HOPX: variants seen among roughly 807,000 people sequenced by gnomAD.
The protein encoded by HOPX is homeodomain-only protein.
HOPX carries 5 observed loss-of-function variants against 11.8 expected under a neutral mutation model. That is an observed-to-expected ratio of 0.43 (90% CI 0.22 to 0.89). The LOEUF (loss-of-function observed/expected upper bound fraction) is 0.89. Among genes scored for constraint, HOPX ranks in the 40% least tolerant of loss-of-function variants. The pLI is 0.28. For missense variants in HOPX, 119 were observed against 120.0 expected (o/e 0.99, Z 0.04); for synonymous variants, 49 against 49.7 (o/e 0.99, Z 0.06).
At chr4:56,650,681 A>G (rs1264509302) in intron 3 of HOPX, 1 of 1,551,544 alleles carries the variant, frequency 6.4e-7, no homozygotes, top group African/African-American at 1.4e-5. Context: ...GATCTTACAT[A>G]CCTTTACACT....
chr4:56,670,989 AATC>A, intron 1 of HOPX, among the ~76,000 whole-genome samples: 1 of 152,100 alleles, frequency 6.6e-6, no homozygotes, highest in Admixed American at 6.5e-5. Flanking sequence ...AAAAAAAAAA[AATC>A]AAATACAGAT....
At chr4:56,656,215 G>T in intron 2 of HOPX, 3 of 1,131,970 alleles carry the variant, frequency 2.7e-6, no homozygotes, top group Non-Finnish European at 3.3e-6. Flanking sequence ...TCCCTGGACT[G>T]AGCGCTGTTG....
chr4:56,656,568 AC>A (rs1717763000), intron 2 of HOPX: 4 of 706,902 alleles, frequency 5.7e-6, no homozygotes, highest in South Asian at 1.2e-4. Flanking sequence ...AGGGCTGCAC[AC>A]CCCACCCTTC....
At position 56,655,920 on chromosome 4, in the gene HOPX, G is replaced by C; in HGVS notation, c.135C>G (p.His45Gln). ...LEYNFNKVDK[H>Q]PDSTTLCLIA... Reference sequence around the variant, plus strand: ...TGAGGCACAGCGTGGTGGAATCCGGGTGCTTGTCGACCTTGTTGAAGTTGT... The same window carrying C: ...TGAGGCACAGCGTGGTGGAATCCGGCTGCTTGTCGACCTTGTTGAAGTTGT... The change falls in exon 3 of 4, where the codon CAC (histidine) becomes CAG (glutamine). Residue 45 changes from histidine (H) to glutamine (Q), a missense_variant. Coordinates refer to ENST00000420433, the MANE Select transcript of HOPX (RefSeq NM_032495.6). The C allele has an allele frequency of 6.2e-7, 1 of 1,612,130 alleles. No individual in the cohort carries two copies. Among genetic ancestry groups the C allele is most frequent in the Non-Finnish European group, 8.5e-7 (1 of 1,179,176 alleles).
At chr4:56,653,952 T>C (rs1717442034) in intron 3 of HOPX, among the ~76,000 whole-genome samples, 1 of 152,180 alleles carries the variant, frequency 6.6e-6, no homozygotes, top group South Asian at 2.1e-4. Flanking sequence ...GAGGAAAGGT[T>C]GAATATAGCC....
At chr4:56,651,894 G>T (rs1717229141) in intron 3 of HOPX, among the ~76,000 whole-genome samples, 1 of 151,812 alleles carries the variant, frequency 6.6e-6, no homozygotes, top group African/African-American at 2.4e-5. Context: ...GTGTGTGTGT[G>T]TGTGTGTGTG....
intron 1 of HOPX, among the ~76,000 whole-genome samples, chr4:56,668,722 G>A (rs1246939517): frequency 6.6e-6 from 1 of 152,150 alleles, no homozygotes; most frequent in African/African-American, 2.4e-5. Context: ...GAATGTTTGT[G>A]TATCTGTAAT....
chr4:56,681,420 A>G, upstream of HOPX: 2 of 986,182 alleles, frequency 2.0e-6, no homozygotes, highest in Non-Finnish European at 2.4e-6. Flanking sequence ...CAGCGTGGGC[A>G]GGAGGTAAAC....
chr4:56,667,432 GT>G (rs375052620), intron 1 of HOPX, among the ~76,000 whole-genome samples: 2 of 150,728 alleles, frequency 1.3e-5, no homozygotes, highest in Admixed American at 6.6e-5. Context: ...AGGACAAACT[GT>G]TTTTTTTTCT....
intron 1 of HOPX, among the ~76,000 whole-genome samples, chr4:56,670,734 C>T (rs930079399): frequency 6.6e-6 from 1 of 152,158 alleles, no homozygotes; most frequent in Non-Finnish European, 1.5e-5. Context: ...TAGTGGCTCA[C>T]GCCTGTAATC....
intron 1 of HOPX, chr4:56,663,731 A>C (rs6839411): frequency 0.83 from 126,463 of 152,090 alleles, 53,112 homozygotes; most frequent in African/African-American, 0.96. Flanking sequence ...ATGATCCGCC[A>C]GCCTCGGCCT....
intron 1 of HOPX, chr4:56,664,676 A>G (rs942754995): frequency 6.6e-6 from 1 of 152,054 alleles, no homozygotes; most frequent in Admixed American, 6.6e-5. Context: ...GCAGGGAGGG[A>G]TGTGATATCT....
Position 56,648,733 on chromosome 4 carries a change from G to C in HOPX, c.263C>G (p.Ser88Cys). ...RSEGLPSECR[S>C]VTD The stretch of plus-strand genomic sequence containing the variant: ...CCTGCCATCTCCTTAGTCTGTGACG[G>C]ATCTGCACTCTGAGGGCAGGCCTTC... Residue 88 changes from serine to cysteine, a missense_variant, in exon 4 of 4, where the codon TCC becomes TGC. Transcript: ENST00000420433. 6.2e-7 allele frequency: 1 copy of C among 1,609,622 alleles called. No homozygotes were observed. Among genetic ancestry groups the C allele is most frequent in the Middle Eastern group, 1.7e-4 (1 of 6,034 alleles).
At chr4:56,657,724 C>A (rs1329832851) in intron 2 of HOPX, 51 bp downstream of exon 2, 3 of 784,640 alleles carry the variant, frequency 3.8e-6, no homozygotes, top group Admixed American at 2.0e-5. Flanking sequence ...GCACCCATTG[C>A]CCGTACCTTT....
Position 56,651,367 on chromosome 4 carries a change from C to G in HOPX, c.199-2570G>C, listed in dbSNP as rs77783289. On this transcript the variant is annotated intron_variant, in intron 3 of 3. Coordinates refer to ENST00000420433, the MANE Select transcript of HOPX (RefSeq NM_032495.6). ...TATATATATAATAATTTAGCAAAACCAGTTGCAATCCAACAGAAATCATTA... is the reference window on the plus strand; with the variant it reads ...TATATATATAATAATTTAGCAAAACGAGTTGCAATCCAACAGAAATCATTA... Among the ~76,000 whole-genome samples, 928 of 152,128 alleles carry G rather than the reference C, an allele frequency of 6.1e-3. 41 individuals carry two copies. The East Asian group carries it at 0.11, about 18-fold the overall frequency.
chr4:56,669,420 A>C lies in HOPX; in HGVS notation c.-83-11521T>G, dbSNP rs1012081864. Among the ~76,000 whole-genome samples the C allele has an allele frequency of 1.2e-3, 178 of 152,268 alleles. 2 individuals carry two copies. Among genetic ancestry groups the C allele is most frequent in the Non-Finnish European group, 1.0e-4 (7 of 68,022 alleles). On this transcript the variant is annotated intron_variant, in intron 1 of 3. Coordinates refer to ENST00000420433, the MANE Select transcript of HOPX (RefSeq NM_032495.6). ...GTGCTATTAATAATTACACCAGGGG[A>C]GGCCGAGGCAGGTGGATCACCTGAG... is the stretch of plus-strand genomic sequence containing the variant.
intron 1 of HOPX, among the ~76,000 whole-genome samples, 184 bp from the exon 2 acceptor site, chr4:56,658,083 A>T (rs1453166045): frequency 1.3e-5 from 2 of 152,200 alleles, no homozygotes; most frequent in African/African-American, 2.4e-5. Context: ...CTCTGATTTT[A>T]CTTCTTGCCT....
chr4:56,676,859 G>C (rs1404835156), intron 1 of HOPX, among the ~76,000 whole-genome samples: 1 of 151,658 alleles, frequency 6.6e-6, no homozygotes, highest in East Asian at 1.9e-4. Context: ...AGACAGGACT[G>C]GCCACAGGCA....
intron 3 of HOPX, 118 bp downstream of exon 3, chr4:56,655,739 A>C: frequency 8.5e-7 from 1 of 1,179,134 alleles, no homozygotes; most frequent in East Asian, 2.7e-5. Context: ...GGCAGAAGCG[A>C]TGGGAGATCA....
Sources: gnomAD v4.1 joint callset for allele counts (sites outside exome capture counted in the v4.1 genomes callset) on GRCh38, gnomAD v4.1.1 for gene constraint, MANE v1.5 for transcripts, NCBI Gene and HGNC (gene_info 2026-07-23, HGNC 2026-07-21) for gene names.